The following CLHC1 variants were observed in gnomAD, a reference collection of about 807,000 sequenced individuals.
CLHC1 encodes the protein clathrin heavy chain linker domain-containing protein 1.
In CLHC1, 72 loss-of-function variants were observed where a neutral mutation model predicts 69.5. The observed-to-expected ratio is 1.04, with a 90% CI of 0.86 to 1.26. CLHC1 has a LOEUF of 1.26. Among genes scored for constraint, CLHC1 ranks in the 50% most tolerant of loss-of-function variants. The pLI is 0.00. For synonymous variants in CLHC1, 223 were observed against 224.3 expected, an observed-to-expected ratio of 0.99 and a Z score of 0.05; for missense variants, 790 against 679.3, an observed-to-expected ratio of 1.16 and a Z score of -1.81.
In CLHC1 at chr2:55,177,478, C is replaced by G. The variant is rs1165990171; in HGVS notation, c.1564+124G>C. 9.2e-6 allele frequency: 5 copies of G among 544,736 alleles called. No homozygotes were observed. In the East Asian group the frequency reaches 1.5e-4, roughly 16 times the overall value. 33.7% of individuals were successfully genotyped at this position (544,736 alleles called of 1,614,324 possible). A position where few individuals can be genotyped will look rare whatever the true frequency, so the allele number is the denominator to read the frequency against. Reference sequence around the variant, plus strand: ...TGGCAATCTTTACATTTATAAACTCCTAAAGTTAACTCTTGCTAAGAAGGA... The same window carrying G: ...TGGCAATCTTTACATTTATAAACTCGTAAAGTTAACTCTTGCTAAGAAGGA... On this transcript the variant is annotated intron_variant, in intron 12 of 12. Transcript: ENST00000401408.
At chr2:55,194,335 A>G (rs1406984658) in intron 9 of CLHC1, among the ~76,000 whole-genome samples, 1 of 152,206 alleles carries the variant, frequency 6.6e-6, no homozygotes, top group Non-Finnish European at 1.5e-5. Context: ...AAAAAAAAGT[A>G]TTTGACAAAT....
chr2:55,227,428 C>A (rs1674811000), intron 2 of CLHC1, among the ~76,000 whole-genome samples: 1 of 151,880 alleles, frequency 6.6e-6, no homozygotes, highest in Admixed American at 6.6e-5. Context: ...GCCTATAATC[C>A]CAGCACTTTG....
intron 9 of CLHC1, among the ~76,000 whole-genome samples, chr2:55,182,376 A>T (rs1670014976): frequency 6.6e-6 from 1 of 152,192 alleles, no homozygotes; most frequent in Admixed American, 6.5e-5. Context: ...GCCAGTGACC[A>T]AAAAAGTATG....
rs369865963 is a variant in CLHC1, at chr2:55,180,660, C to T, written c.1234G>A (p.Asp412Asn). The change falls in exon 11 of 13, where the codon GAT becomes AAT. Residue 412 changes from aspartate to asparagine, a missense_variant. By Grantham distance (23) the Asp-to-Asn change is conservative. Transcript: ENST00000401408. ...GDVICDYGEQ[D>N]TYNKAKCLAL... ...AGGCACTTGGCCTTGTTATAAGTATCCTGCTCCCCATAATCACAAATCACA... is the reference window on the plus strand; with the variant it reads ...AGGCACTTGGCCTTGTTATAAGTATTCTGCTCCCCATAATCACAAATCACA... 1.2e-6 allele frequency: 2 copies of T among 1,614,034 alleles called. No individual in the cohort carries two copies. The highest frequency in any genetic ancestry group is 2.2e-5 in the East Asian group (1 of 44,868).
chr2:55,214,752 G>A (rs1376102975), intron 4 of CLHC1: 3 of 152,144 alleles, frequency 2.0e-5, no homozygotes, highest in Non-Finnish European at 2.9e-5. Flanking sequence ...ACTTGTATAT[G>A]AATTTTCAGA....
At chr2:55,210,063 T>C (rs1436453614) in intron 5 of CLHC1, among the ~76,000 whole-genome samples, 4 of 152,224 alleles carry the variant, frequency 2.6e-5, no homozygotes, top group African/African-American at 9.6e-5. Context: ...CTTGTTATGT[T>C]GCCCAGGCTA....
At chr2:55,179,505 A>C (rs950195627) in intron 11 of CLHC1, among the ~76,000 whole-genome samples, 4 of 152,208 alleles carry the variant, frequency 2.6e-5, no homozygotes, top group African/African-American at 9.7e-5. Context: ...TAATTGCTTG[A>C]AAATGACCAG....
intron 9 of CLHC1, among the ~76,000 whole-genome samples, chr2:55,203,963 G>GA (rs975918972): frequency 6.6e-5 from 10 of 152,080 alleles, no homozygotes; most frequent in Non-Finnish European, 1.5e-4. Context: ...AACTCCATAG[G>GA]AAAAAAATCT....
chr2:55,195,427 G>C (rs1027424683), intron 9 of CLHC1, among the ~76,000 whole-genome samples: 4 of 152,196 alleles, frequency 2.6e-5, no homozygotes, highest in African/African-American at 9.7e-5. Context: ...AATTAATATT[G>C]TTAAAATATC....
At chr2:55,193,024 G>A (rs1671078060) in intron 9 of CLHC1, among the ~76,000 whole-genome samples, 1 of 149,752 alleles carries the variant, frequency 6.7e-6, no homozygotes, top group African/African-American at 2.5e-5. Flanking sequence ...CCGAGTAGCT[G>A]GGATTCCAGG....
At position 55,206,380 on chromosome 2, in the gene CLHC1, T is replaced by C. The variant is rs1019964647; in HGVS notation, c.900-4A>G. The stretch of plus-strand genomic sequence containing the variant: ...AAGTGAGATTAACTCATTAAACCTA[T>C]AGCCATCACATTTTAAAATGCATTA... On this transcript the variant is annotated splice_polypyrimidine_tract_variant and splice_region_variant and intron_variant, in intron 8 of 12. Transcript: ENST00000401408. The C allele has an allele frequency of 2.6e-6, 4 of 1,523,846 alleles. No homozygotes were observed. Among genetic ancestry groups the C allele is most frequent in the South Asian group, 1.1e-5 (1 of 89,084 alleles). The allele number at this position is 1,523,846 out of a possible 1,614,324, so 94.4% of individuals were successfully genotyped here.
chr2:55,222,322 G>A lies in CLHC1; in HGVS notation c.90C>T (p.Tyr30=), dbSNP rs775615812. 3.1e-6 allele frequency: 5 copies of A among 1,613,202 alleles called. No individual in the cohort carries two copies. Among genetic ancestry groups the A allele is most frequent in the South Asian group, 1.1e-5 (1 of 91,058 alleles). ...CCAGTCTTTCAGTTTCTGTAATTAT[G>A]TATCTTTGCACACTTTCCAAAAATT... is the stretch of plus-strand genomic sequence containing the variant. ...DKEFLESVQR[Y]IITETERLGC... is the part of the protein sequence containing the mutation. The change falls in exon 3 of 13, where the codon TAC becomes TAT. Residue 30 remains tyrosine, a synonymous_variant. Coordinates refer to ENST00000401408, the MANE Select transcript of CLHC1 (RefSeq NM_152385.4).
At chr2:55,218,706 T>G (rs1673818936) in intron 3 of CLHC1, 1 of 152,212 alleles carries the variant, frequency 6.6e-6, no homozygotes, top group Non-Finnish European at 1.5e-5. Context: ...TTTGTTAATC[T>G]TATATATGCA....
rs577719170 is a variant in CLHC1, at chr2:55,183,986, G to T, written c.1007-2242C>A. On this transcript the variant is annotated intron_variant, in intron 9 of 12. Transcript: ENST00000401408. ...AGTAGAGACAGGGTGTCACCATGTT[G>T]GCCAGGATGGTCTCGATCTCTTGAC... Among the ~76,000 whole-genome samples the T allele has an allele frequency of 1.3e-3, 205 of 152,160 alleles. 1 individual carries two copies. The highest frequency in any genetic ancestry group is 3.4e-3 in the Middle Eastern group (1 of 292).
chr2:55,221,148 A>G (rs1395354769), intron 3 of CLHC1, among the ~76,000 whole-genome samples: 2 of 152,134 alleles, frequency 1.3e-5, no homozygotes, highest in Non-Finnish European at 1.5e-5. Flanking sequence ...CTGAGTTTCT[A>G]TTTTGCCTGT....
intron 4 of CLHC1, 141 bp from the exon 5 acceptor site, chr2:55,212,947 C>G: frequency 1.6e-6 from 1 of 632,460 alleles, no homozygotes; most frequent in Non-Finnish European, 2.8e-6. Flanking sequence ...GTTATCTAGC[C>G]TCACAAATGA....
chr2:55,213,587 G>T (rs945415855), intron 4 of CLHC1, among the ~76,000 whole-genome samples: 11 of 137,172 alleles, frequency 8.0e-5, no homozygotes, highest in Non-Finnish European at 1.3e-4. Flanking sequence ...AGGAAGGACA[G>T]CACTTCCCTG....
At chr2:55,223,877 G>A (rs1424156646) in intron 2 of CLHC1, 4 of 152,020 alleles carry the variant, frequency 2.6e-5, no homozygotes, top group African/African-American at 7.3e-5. Context: ...CTCACTGCAA[G>A]CTCCGCCTCC....
chr2:55,178,011 A>G (rs1669569630), intron 11 of CLHC1, among the ~76,000 whole-genome samples: 1 of 152,212 alleles, frequency 6.6e-6, no homozygotes, highest in Non-Finnish European at 1.5e-5. Context: ...AAGAGTATCC[A>G]AAACATAATC....
Sources: gnomAD v4.1 joint callset for allele counts (sites outside exome capture counted in the v4.1 genomes callset) on GRCh38, gnomAD v4.1.1 for gene constraint, MANE v1.5 for transcripts, NCBI Gene and HGNC (gene_info 2026-07-23, HGNC 2026-07-21) for gene names.